RMI2: variants seen among roughly 807,000 people sequenced by gnomAD.
RMI2 encodes recQ-mediated genome instability protein 2.
Under a neutral mutation model 8.4 loss-of-function variants are expected in RMI2, and 11 were observed. That is an observed-to-expected ratio of 1.32 (90% CI 0.83 to 2.18). The LOEUF is 2.18. RMI2 is among the 30% of genes most tolerant of loss of function. The pLI is 0.00. For synonymous variants in RMI2, 105 were observed against 93.8 expected, an observed-to-expected ratio of 1.12 and a Z score of -0.69; for missense variants, 253 against 207.5, an observed-to-expected ratio of 1.22 and a Z score of -1.35.
At chr16:11,348,883 A>G (rs1169463541) in intron 1 of RMI2, 1 of 152,296 alleles carries the variant, frequency 6.6e-6, no homozygotes, top group Non-Finnish European at 1.5e-5. Flanking sequence ...AAGGGGATAG[A>G]GCCGCGTGCC....
rs1235460081 is a variant in RMI2, at chr16:11,349,589, A to G, written c.296-1053A>G. Among the ~76,000 whole-genome samples the G allele has an allele frequency of 2.0e-5, 3 of 152,126 alleles. No homozygotes were observed. Among genetic ancestry groups the G allele is most frequent in the African/African-American group, 4.8e-5 (2 of 41,432 alleles). ...CCCCTTCAGAGGGGATGGCAAGTGCATTTTCAGAACTAGCCTCTGTCACGG... is the reference window on the plus strand; with the variant it reads ...CCCCTTCAGAGGGGATGGCAAGTGCGTTTTCAGAACTAGCCTCTGTCACGG... On this transcript the variant is annotated intron_variant, in intron 1 of 1. Coordinates refer to ENST00000312499, the MANE Select transcript of RMI2 (RefSeq NM_152308.3). This position sits in a 1 kb window ranked among gnomAD's most constrained non-coding sequence, Gnocchi z 4.2.
chr16:11,351,567 G>C lies in RMI2; in HGVS notation c.*777G>C, dbSNP rs943058909. ...GAGACATGGTGAGCCTCCTGGTGTA[G>C]AGTTCTTTTGTCTTTGTATGGAATG... On this transcript the variant is annotated 3_prime_UTR_variant, in exon 2 of 2. Coordinates refer to ENST00000312499, the MANE Select transcript of RMI2 (RefSeq NM_152308.3). 1.7e-5 allele frequency: 4 copies of C among 232,084 alleles called. No homozygotes were observed. The highest frequency in any genetic ancestry group is 2.6e-5 in the Non-Finnish European group (3 of 117,416). The allele number at this position is 232,084 out of a possible 1,614,324, so 14.4% of individuals were successfully genotyped here.
In RMI2 at chr16:11,350,863, C is replaced by T; in HGVS notation, c.*73C>T. ...TAGAAGCTTATAATGATGTGGATTT[C>T]ATGGACACTTTTCAATGCGTATTTT... On this transcript the variant is annotated 3_prime_UTR_variant, in exon 2 of 2. Transcript: ENST00000312499. 4 of 1,312,836 alleles carry T rather than the reference C, an allele frequency of 3.0e-6. No homozygotes were observed. The highest frequency in any genetic ancestry group is 4.2e-6 in the Non-Finnish European group (4 of 956,178). 81.3% of individuals were successfully genotyped at this position (1,312,836 alleles called of 1,614,324 possible).
At chr16:11,350,468 T>C (rs2070952817) in intron 1 of RMI2, among the ~76,000 whole-genome samples, 174 bp from the exon 2 acceptor site, 1 of 152,094 alleles carries the variant, frequency 6.6e-6, no homozygotes. Flanking sequence ...CAGGCACCTG[T>C]AATCCCAGCT....
Position 11,345,461 on chromosome 16 carries a change from G to C in RMI2, c.-11G>C. ...AAGCGGAGGCGGGGCGGAAGGGTGC[G>C]GCGAGGCGGAATGGCGGCGGCTGCG... On this transcript the variant is annotated 5_prime_UTR_variant, in exon 1 of 2. Transcript: ENST00000312499. 1 of 1,298,888 alleles carries C rather than the reference G, an allele frequency of 7.7e-7. No homozygotes were observed. Among genetic ancestry groups the C allele is most frequent in the Non-Finnish European group, 9.8e-7 (1 of 1,020,932 alleles). 80.5% of individuals were successfully genotyped at this position (1,298,888 alleles called of 1,614,324 possible). A position where few individuals can be genotyped will look rare whatever the true frequency, so the allele number is the denominator to read the frequency against.
chr16:11,348,329 C>G (rs887810545), intron 1 of RMI2: 1 of 152,288 alleles, frequency 6.6e-6, no homozygotes, highest in South Asian at 2.1e-4. Context: ...GCAAGTAACC[C>G]ATGCTGCTTG....
In RMI2 at chr16:11,350,881, C is replaced by G; in HGVS notation, c.*91C>G. On this transcript the variant is annotated 3_prime_UTR_variant, in exon 2 of 2. Transcript: ENST00000312499. Reference sequence around the variant, plus strand: ...TGGATTTCATGGACACTTTTCAATGCGTATTTTTCAAATGCTTCTCAGAGA... The same window carrying G: ...TGGATTTCATGGACACTTTTCAATGGGTATTTTTCAAATGCTTCTCAGAGA... 1 of 1,102,912 alleles carries G rather than the reference C, an allele frequency of 9.1e-7. No individual in the cohort carries two copies. Among genetic ancestry groups the G allele is most frequent in the Non-Finnish European group, 1.3e-6 (1 of 782,512 alleles). 68.3% of individuals were successfully genotyped at this position (1,102,912 alleles called of 1,614,324 possible). A position where few individuals can be genotyped will look rare whatever the true frequency, so the allele number is the denominator to read the frequency against.
Position 11,345,524 on chromosome 16 carries a change from C to T in RMI2, c.53C>T (p.Pro18Leu). The T allele has an allele frequency of 3.9e-6, 5 of 1,291,932 alleles. No individual in the cohort carries two copies. The highest frequency in any genetic ancestry group is 4.9e-6 in the Non-Finnish European group (5 of 1,016,274). The allele number at this position is 1,291,932 out of a possible 1,614,324, so 80.0% of individuals were successfully genotyped here. A position where few individuals can be genotyped will look rare whatever the true frequency, so the allele number is the denominator to read the frequency against. Residue 18 changes from proline (P) to leucine (L), a missense_variant, in exon 1 of 2, where the codon CCG becomes CTG. Pro to Leu is a moderately conservative substitution (Grantham distance 98, BLOSUM62 -3). Transcript: ENST00000312499. Reference sequence around the variant, plus strand: ...GGCGGCCCCGCGGGGGTGCGGCTTCCGAGGTCGCCGCCACTCAAGGTGCTG... The same window carrying T: ...GGCGGCCCCGCGGGGGTGCGGCTTCTGAGGTCGCCGCCACTCAAGGTGCTG... ...FSGGPAGVRLPRSPPLKVLAE... is the reference protein window; with the variant it reads ...FSGGPAGVRLLRSPPLKVLAE...
chr16:11,348,146 ATAAGT>A (rs1359730333), intron 1 of RMI2: 6 of 152,392 alleles, frequency 3.9e-5, no homozygotes, highest in African/African-American at 9.6e-5. Context: ...ATCAGTGTTC[ATAAGT>A]TAAGTTTTAT....
rs781647680 is a variant in RMI2 at position 11,345,514 on chromosome 16, G to C, written c.43G>C (p.Val15Leu). The change falls in exon 1 of 2, where the codon GTG becomes CTG. Residue 15 changes from valine to leucine, a missense_variant. By Grantham distance (32) the Val-to-Leu change is conservative. Transcript: ENST00000312499. Reference sequence around the variant, plus strand: ...CTCGTTCTCAGGCGGCCCCGCGGGGGTGCGGCTTCCGAGGTCGCCGCCACT... The same window carrying C: ...CTCGTTCTCAGGCGGCCCCGCGGGGCTGCGGCTTCCGAGGTCGCCGCCACT... ...ADSFSGGPAG[V>L]RLPRSPPLKV... 1 of 1,302,626 alleles carries C rather than the reference G, an allele frequency of 7.7e-7. No individual in the cohort carries two copies. The highest frequency in any genetic ancestry group is 3.1e-5 in the East Asian group (1 of 32,066). The allele number at this position is 1,302,626 out of a possible 1,614,324, so 80.7% of individuals were successfully genotyped here.
rs2070942665 is a variant in RMI2 at position 11,349,964 on chromosome 16, A to G, written c.296-678A>G. On this transcript the variant is annotated intron_variant, in intron 1 of 1. Coordinates refer to ENST00000312499, the MANE Select transcript of RMI2 (RefSeq NM_152308.3). This position sits in a 1 kb window ranked among gnomAD's most constrained non-coding sequence, Gnocchi z 4.2. Reference sequence around the variant, plus strand: ...CCGGCCCTTGTGTGGATTTGCTTGTATGTGCTGGAGGAGGTGGCAGGGATA... The same window carrying G: ...CCGGCCCTTGTGTGGATTTGCTTGTGTGTGCTGGAGGAGGTGGCAGGGATA... Among the ~76,000 whole-genome samples, 1 of 152,134 alleles carries G rather than the reference A, an allele frequency of 6.6e-6. No individual in the cohort carries two copies. Among genetic ancestry groups the G allele is most frequent in the African/African-American group, 2.4e-5 (1 of 41,424 alleles).
chr16:11,347,131 G>C (rs906775465), intron 1 of RMI2, among the ~76,000 whole-genome samples: 3 of 152,274 alleles, frequency 2.0e-5, no homozygotes, highest in Non-Finnish European at 4.4e-5. Flanking sequence ...CCGAGACCTA[G>C]ATAGAGTCTG....
chr16:11,348,973 C>G (rs1159018304), intron 1 of RMI2: 1 of 152,352 alleles, frequency 6.6e-6, no homozygotes. Flanking sequence ...AAGGACCTGC[C>G]TGCTTCAAGA....
In RMI2 at chr16:11,350,716, G is replaced by T; in HGVS notation, c.370G>T (p.Asp124Tyr). ...EPCLQAVKMT[D>Y]LSDNPIHESM... Reference sequence around the variant, plus strand: ...CTGCCTGCAGGCTGTGAAGATGACAGACCTTTCTGATAATCCCATCCATGA... The same window carrying T: ...CTGCCTGCAGGCTGTGAAGATGACATACCTTTCTGATAATCCCATCCATGA... Residue 124 changes from aspartate to tyrosine, a missense_variant, in exon 2 of 2, where the codon GAC becomes TAC. Asp to Tyr is a radical substitution (Grantham distance 160). Coordinates refer to ENST00000312499, the MANE Select transcript of RMI2 (RefSeq NM_152308.3). The T allele has an allele frequency of 6.2e-7, 1 of 1,613,424 alleles. No homozygotes were observed. Among genetic ancestry groups the T allele is most frequent in the Non-Finnish European group, 8.5e-7 (1 of 1,179,406 alleles).
At chr16:11,350,359 G>A (rs910573180) in intron 1 of RMI2, among the ~76,000 whole-genome samples, 1 of 152,210 alleles carries the variant, frequency 6.6e-6, no homozygotes, top group Non-Finnish European at 1.5e-5. Context: ...GGGATACCAA[G>A]GTGGGTGGAT....
chr16:11,347,347 T>C (rs542385520), intron 1 of RMI2, among the ~76,000 whole-genome samples: 1 of 152,122 alleles, frequency 6.6e-6, no homozygotes, highest in African/African-American at 2.4e-5. Context: ...CTAAGGGCCC[T>C]TCCTGCTCAG....
Position 11,345,643 on chromosome 16 carries a change from G to A in RMI2, c.172G>A (p.Val58Met). The change falls in exon 1 of 2, where the codon GTG becomes ATG. Residue 58 changes from valine to methionine, a missense_variant. Physicochemically the swap from Val to Met is conservative, Grantham distance 21 (BLOSUM62 1). Transcript: ENST00000312499. ...CCGCGGGCCGCTGGACCTGGCGGCC[G>A]TGTGGATGCAGGGCAGGGTAGTGAT... ...AGRGPLDLAA[V>M]WMQGRVVMAD... 7.9e-7 allele frequency: 1 copy of A among 1,264,060 alleles called. No homozygotes were observed. The highest frequency in any genetic ancestry group is 9.9e-7 in the Non-Finnish European group (1 of 1,006,238). The allele number at this position is 1,264,060 out of a possible 1,614,324, so 78.3% of individuals were successfully genotyped here. A position where few individuals can be genotyped will look rare whatever the true frequency, so the allele number is the denominator to read the frequency against.
At chr16:11,345,829 A>G in intron 1 of RMI2, 63 bp downstream of exon 1, 5 of 1,174,288 alleles carry the variant, frequency 4.3e-6, no homozygotes, top group Non-Finnish European at 5.3e-6. Flanking sequence ...TGCCGAGGCC[A>G]GATTCGATCT....
At chr16:11,347,122 C>G (rs573349546) in intron 1 of RMI2, among the ~76,000 whole-genome samples, 2 of 152,346 alleles carry the variant, frequency 1.3e-5, no homozygotes, top group East Asian at 1.9e-4. Flanking sequence ...GGGCTGCAGC[C>G]GAGACCTAGA....
Sources: allele counts gnomAD v4.1 joint callset (sites outside exome capture counted in the v4.1 genomes callset), GRCh38; gene constraint gnomAD v4.1.1; non-coding constraint Gnocchi (gnomAD v3.1); transcripts MANE v1.5; gene names NCBI Gene and HGNC (gene_info 2026-07-23, HGNC 2026-07-21).